CNBD1: variants seen among roughly 807,000 people sequenced by gnomAD.
CNBD1 encodes the protein cyclic nucleotide-binding domain-containing protein 1.
CNBD1 carries 71 observed loss-of-function variants against 54.4 expected under a neutral mutation model. The ratio of observed to expected loss-of-function variants is 1.30; its 90% CI spans 1.08 to 1.59. The LOEUF is 1.59. Among genes scored for constraint, CNBD1 ranks in the 40% most tolerant of loss-of-function variants. The probability of loss-of-function intolerance (pLI) is 0.00; values close to 1 mark genes in which losing one functional copy is unlikely to be tolerated. For synonymous variants in CNBD1, 182 were observed against 170.7 expected (o/e 1.07, Z -0.51); for missense variants, 659 against 518.0 (o/e 1.27, Z -2.64).
At chr8:86,957,496 T>C (rs1807809449) in intron 4 of CNBD1, among the ~76,000 whole-genome samples, 1 of 152,222 alleles carries the variant, frequency 6.6e-6, no homozygotes, top group Admixed American at 6.5e-5. Context: ...AATTATTGCC[T>C]CAATTTCAGA....
intron 6 of CNBD1, among the ~76,000 whole-genome samples, chr8:87,247,171 A>G (rs947719475): frequency 9.9e-5 from 15 of 152,140 alleles, no homozygotes; most frequent in African/African-American, 3.6e-4. Flanking sequence ...AGTTGTCTCA[A>G]ACATACTTTT....
chr8:86,888,905 C>T (rs575921451), intron 2 of CNBD1, among the ~76,000 whole-genome samples: 2 of 152,154 alleles, frequency 1.3e-5, no homozygotes, highest in East Asian at 3.9e-4. Context: ...CTTGAATCAT[C>T]TAGAGCTAGT....
chr8:87,086,117 T>C (rs567942556), intron 4 of CNBD1, among the ~76,000 whole-genome samples: 18 of 152,250 alleles, frequency 1.2e-4, no homozygotes, highest in African/African-American at 3.9e-4. Context: ...GGAGAAGAGT[T>C]TGTGAATGGG....
intron 4 of CNBD1, among the ~76,000 whole-genome samples, chr8:87,131,777 A>G (rs1194868620): frequency 4.6e-5 from 7 of 152,004 alleles, no homozygotes; most frequent in Admixed American, 3.9e-4. Context: ...ATGAAAAAAA[A>G]TAATTGTGTT....
rs552642027 is a variant in CNBD1, at chr8:86,965,413, G to C, written c.431+25659G>C. Among the ~76,000 whole-genome samples the C allele has an allele frequency of 2.6e-5, 4 of 152,142 alleles. No homozygotes were observed. The South Asian group carries it at 6.2e-4, about 24-fold the overall frequency. ...GCTAGACCTCCATGAAGTGAAACTG[G>C]GTTGGAACAAAACCAACATTCCCAA... is the stretch of plus-strand genomic sequence containing the variant. On this transcript the variant is annotated intron_variant, in intron 4 of 10. Transcript: ENST00000518476.
intron 8 of CNBD1, among the ~76,000 whole-genome samples, chr8:87,302,616 G>C (rs1404908300): frequency 6.6e-6 from 1 of 151,854 alleles, no homozygotes; most frequent in African/African-American, 2.4e-5. Context: ...ATTCAACATA[G>C]TGTTGGAAGT....
At chr8:87,258,735 C>A (rs34006030) in intron 6 of CNBD1, among the ~76,000 whole-genome samples, 1,666 of 152,064 alleles carry the variant, frequency 0.011, 26 homozygotes, top group Middle Eastern at 0.037. Context: ...TCAATTTGAC[C>A]ATAAGGTGAG....
intron 1 of CNBD1, among the ~76,000 whole-genome samples, chr8:86,872,000 G>A (rs1808449538): frequency 6.6e-6 from 1 of 152,204 alleles, no homozygotes; most frequent in African/African-American, 2.4e-5. Context: ...GCTCATTTCA[G>A]TGACTGCTCA....
intron 4 of CNBD1, among the ~76,000 whole-genome samples, chr8:87,122,231 C>A (rs1586271378): frequency 1.3e-5 from 2 of 151,792 alleles, no homozygotes; most frequent in East Asian, 3.8e-4. Flanking sequence ...CAAACCTTAT[C>A]TTTCATCTTT....
chr8:86,985,445 T>A (rs1181072855), intron 4 of CNBD1, among the ~76,000 whole-genome samples: 1 of 152,214 alleles, frequency 6.6e-6, no homozygotes, highest in African/African-American at 2.4e-5. Flanking sequence ...CCATGTATAC[T>A]CAATGTGTAG....
At chr8:87,036,217 C>G (rs1809939525) in intron 4 of CNBD1, among the ~76,000 whole-genome samples, 1 of 152,158 alleles carries the variant, frequency 6.6e-6, no homozygotes, top group South Asian at 2.1e-4. Context: ...AAGTCTTGAT[C>G]CTTCTCCTCA....
At chr8:87,426,056 A>G (rs1257636048) in intron 2 of CNBD1, among the ~76,000 whole-genome samples, 5 of 152,172 alleles carry the variant, frequency 3.3e-5, no homozygotes, top group African/African-American at 2.4e-5. Context: ...AAATCGCAGT[A>G]TTTGGGTGGG....
At chr8:87,159,580 C>T (rs1484730420) in intron 4 of CNBD1, among the ~76,000 whole-genome samples, 1 of 151,896 alleles carries the variant, frequency 6.6e-6, no homozygotes, top group Non-Finnish European at 1.5e-5. Flanking sequence ...AATCTGTGTC[C>T]CACCTTTTAA....
chr8:86,929,964 GAGA>G (rs1289016458), intron 3 of CNBD1, among the ~76,000 whole-genome samples: 1 of 152,180 alleles, frequency 6.6e-6, no homozygotes, highest in East Asian at 1.9e-4. Context: ...GACATATAAA[GAGA>G]AGTTTTGTCC....
intron 8 of CNBD1, among the ~76,000 whole-genome samples, chr8:87,319,030 G>A (rs1185137877): frequency 6.6e-6 from 1 of 152,020 alleles, no homozygotes; most frequent in Non-Finnish European, 1.5e-5. Flanking sequence ...AAAATCATGG[G>A]TTCATTAAAA....
rs191271633 is a variant in CNBD1, at chr8:87,249,542, C to T, written c.771+12430C>T. Among the ~76,000 whole-genome samples the T allele has an allele frequency of 1.3e-4, 20 of 152,220 alleles. No individual in the cohort carries two copies. The East Asian group carries it at 3.7e-3, about 28-fold the overall frequency. On this transcript the variant is annotated intron_variant, in intron 6 of 10. Coordinates refer to ENST00000518476, the MANE Select transcript of CNBD1 (RefSeq NM_173538.3). ...CAGACTCCCATTTCCATCCCATTGGCTAGACTAGGTTATAGGTCTATCTTT... is the reference window on the plus strand; with the variant it reads ...CAGACTCCCATTTCCATCCCATTGGTTAGACTAGGTTATAGGTCTATCTTT...
chr8:87,233,964 C>CT (rs1346037466), intron 5 of CNBD1, among the ~76,000 whole-genome samples: 5 of 152,136 alleles, frequency 3.3e-5, no homozygotes, highest in African/African-American at 9.7e-5. Flanking sequence ...CATTCAAAAT[C>CT]TTTTTTAAAA....
At chr8:87,413,147 C>T (rs903829418) in intron 2 of CNBD1, among the ~76,000 whole-genome samples, 1 of 151,956 alleles carries the variant, frequency 6.6e-6, no homozygotes, top group South Asian at 2.1e-4. Context: ...GGCCTTATAT[C>T]CTTGTGGGAA....
At chr8:87,289,522 C>T (rs1808750588) in intron 8 of CNBD1, among the ~76,000 whole-genome samples, 2 of 152,170 alleles carry the variant, frequency 1.3e-5, no homozygotes, top group East Asian at 3.9e-4. Flanking sequence ...GGTAAACTGA[C>T]TTGGCAAACA....
Sources: allele counts gnomAD v4.1 joint callset (sites outside exome capture counted in the v4.1 genomes callset), GRCh38; gene constraint gnomAD v4.1.1; transcripts MANE v1.5; gene names NCBI Gene and HGNC (gene_info 2026-07-23, HGNC 2026-07-21).